PLCG2: variants seen among roughly 807,000 people sequenced by gnomAD.
PLCG2 encodes phospholipase C gamma 2.
Under a neutral mutation model 175.6 loss-of-function variants are expected in PLCG2, and 69 were observed. That is an observed-to-expected ratio of 0.39 (90% CI 0.32 to 0.48). The LOEUF (loss-of-function observed/expected upper bound fraction) is 0.48. Ranked by LOEUF, PLCG2 falls within the 20% of genes least tolerant of loss-of-function variation. The pLI is 0.91. For synonymous variants in PLCG2, 827 were observed against 624.0 expected, an observed-to-expected ratio of 1.33 and a Z score of -4.85; for missense variants, 1,798 against 1,650.9, an observed-to-expected ratio of 1.09 and a Z score of -1.54.
At chr16:81,744,907 G>T (rs534411099) in intron 1 of PLCG2, among the ~76,000 whole-genome samples, 7 of 152,290 alleles carry the variant, frequency 4.6e-5, no homozygotes, top group East Asian at 3.9e-4. Flanking sequence ...AGGTGAAAAA[G>T]GGGGCCAACA....
intron 19 of PLCG2, among the ~76,000 whole-genome samples, chr16:81,914,685 A>G (rs1003491695): frequency 3.3e-5 from 5 of 152,198 alleles, no homozygotes; most frequent in Admixed American, 2.0e-4. Context: ...TTGCTCTCTC[A>G]GGCTAATGGT....
At chr16:81,844,244 C>G (rs182406493) in intron 2 of PLCG2, among the ~76,000 whole-genome samples, 4 of 151,136 alleles carry the variant, frequency 2.6e-5, no homozygotes, top group Admixed American at 2.0e-4. Context: ...CCACCCGCCT[C>G]GGCCTCCCAA....
intron 1 of PLCG2, among the ~76,000 whole-genome samples, chr16:81,743,210 G>T (rs11859935): frequency 6.6e-6 from 1 of 152,122 alleles, no homozygotes; most frequent in African/African-American, 2.4e-5. Flanking sequence ...AGATAGCTGG[G>T]CATGGTGGTG....
chr16:81,805,484 G>A (rs997283781), intron 2 of PLCG2, among the ~76,000 whole-genome samples: 3 of 142,654 alleles, frequency 2.1e-5, no homozygotes, highest in African/African-American at 8.0e-5. Flanking sequence ...GGGTAACAGA[G>A]CGAGACTCCA....
chr16:81,863,871 A>T (rs931503013), intron 5 of PLCG2, among the ~76,000 whole-genome samples: 1 of 152,168 alleles, frequency 6.6e-6, no homozygotes, highest in East Asian at 1.9e-4. Context: ...AGGGGGTTGC[A>T]GGTGGAAGGC....
intron 2 of PLCG2, among the ~76,000 whole-genome samples, chr16:81,770,975 G>A (rs772559064): frequency 2.6e-5 from 4 of 151,602 alleles, no homozygotes; most frequent in Non-Finnish European, 5.9e-5. Flanking sequence ...GGAGAATGGT[G>A]TGAACCCGGG....
At chr16:81,900,090 TAATA>T (rs1909080340) in intron 13 of PLCG2, among the ~76,000 whole-genome samples, 1 of 112,664 alleles carries the variant, frequency 8.9e-6, no homozygotes, top group South Asian at 3.8e-4. Context: ...CACATACAAA[TAATA>T]AATGTATGCA....
chr16:81,884,563 C>T (rs1169096995), intron 9 of PLCG2, among the ~76,000 whole-genome samples: 1 of 151,928 alleles, frequency 6.6e-6, no homozygotes, highest in African/African-American at 2.4e-5. Context: ...GAGCATCTAC[C>T]TCTGAGAATT....
At chr16:81,900,489 G>T (rs1909101142) in intron 13 of PLCG2, 123 bp from the exon 14 acceptor site, 7 of 761,990 alleles carry the variant, frequency 9.2e-6, no homozygotes, top group Non-Finnish European at 1.4e-5. Context: ...CAGATGTGGG[G>T]GTTGTGCCCC....
At chr16:81,860,172 A>ATTATTATTATT (rs763047744) in intron 5 of PLCG2, among the ~76,000 whole-genome samples, 2 of 120,614 alleles carry the variant, frequency 1.7e-5, no homozygotes, top group African/African-American at 6.2e-5. Flanking sequence ...TATTATTATT[A>ATTATTATTATT]TTTTTTTTTT....
chr16:81,901,463 C>T (rs916117733), intron 14 of PLCG2, among the ~76,000 whole-genome samples: 5 of 152,226 alleles, frequency 3.3e-5, no homozygotes, highest in Admixed American at 2.6e-4. Flanking sequence ...CACAAGGTGA[C>T]TCAGGGACCC....
chr16:81,753,283 A>G (rs922461405), intron 1 of PLCG2, among the ~76,000 whole-genome samples: 1 of 149,758 alleles, frequency 6.7e-6, no homozygotes, highest in South Asian at 2.1e-4. Flanking sequence ...TTGGTAAAAC[A>G]TCCACATTGG....
At chr16:81,859,876 T>G (rs1421178032) in intron 5 of PLCG2, among the ~76,000 whole-genome samples, 1 of 152,194 alleles carries the variant, frequency 6.6e-6, no homozygotes, top group Non-Finnish European at 1.5e-5. Context: ...TGTTGGGTGA[T>G]GTGATAACGT....
chr16:81,830,479 G>A (rs1304716272), intron 2 of PLCG2, among the ~76,000 whole-genome samples: 1 of 151,888 alleles, frequency 6.6e-6, no homozygotes, highest in Non-Finnish European at 1.5e-5. Flanking sequence ...GCTAATTTTT[G>A]TATTTTTATT....
rs187408323 is a variant in PLCG2, at chr16:81,895,193, C to T, written c.1073-614C>T. Among the ~76,000 whole-genome samples, 28 of 152,316 alleles carry T rather than the reference C, an allele frequency of 1.8e-4. No homozygotes were observed. In the East Asian group the frequency reaches 2.1e-3, roughly 12 times the overall value. On this transcript the variant is annotated intron_variant, in intron 12 of 32. Coordinates refer to ENST00000564138, the MANE Select transcript of PLCG2 (RefSeq NM_002661.5). ...TTCTCATTGCTCTGTATCATTTCCACGGGCAGAAAAGGCAGTCAAGGTTTT... is the reference window on the plus strand; with the variant it reads ...TTCTCATTGCTCTGTATCATTTCCATGGGCAGAAAAGGCAGTCAAGGTTTT...
At chr16:81,799,179 T>G (rs1188583567) in intron 2 of PLCG2, among the ~76,000 whole-genome samples, 1 of 152,224 alleles carries the variant, frequency 6.6e-6, no homozygotes, top group Non-Finnish European at 1.5e-5. Flanking sequence ...TGTTCATTGG[T>G]AGACACATTT....
At chr16:81,850,211 A>G (rs1003375273) in intron 2 of PLCG2, among the ~76,000 whole-genome samples, 4 of 152,236 alleles carry the variant, frequency 2.6e-5, no homozygotes, top group Admixed American at 2.6e-4. Flanking sequence ...AGGTTATGTT[A>G]TGTAATTATC....
chr16:81,942,374 C>T (rs4485363), intron 30 of PLCG2, among the ~76,000 whole-genome samples: 3 of 152,240 alleles, frequency 2.0e-5, no homozygotes, highest in African/African-American at 7.2e-5. Context: ...ATGTGACCTT[C>T]TCCTCCCCCG....
chr16:81,873,762 T>A (rs1414544470), intron 7 of PLCG2, among the ~76,000 whole-genome samples: 1 of 152,202 alleles, frequency 6.6e-6, no homozygotes, highest in Non-Finnish European at 1.5e-5. Flanking sequence ...AGACCTAGTC[T>A]GTATTATTAA....
Sources: allele counts gnomAD v4.1 joint callset (sites outside exome capture counted in the v4.1 genomes callset), GRCh38; gene constraint gnomAD v4.1.1; transcripts MANE v1.5; gene names NCBI Gene and HGNC (gene_info 2026-07-23, HGNC 2026-07-21).